The following PGGT1B variants were observed in gnomAD, a reference collection of about 807,000 sequenced individuals.
The protein encoded by PGGT1B is protein geranylgeranyltransferase type I subunit beta, also known as geranylgeranyl transferase type-1 subunit beta.
A neutral mutation model predicts 46.1 loss-of-function variants in PGGT1B; 30 were observed. The ratio of observed to expected loss-of-function variants is 0.65; its 90% CI spans 0.49 to 0.88. PGGT1B has a LOEUF of 0.88. PGGT1B is among the 40% of genes least tolerant of loss of function. PGGT1B has a pLI of 0.00. For synonymous variants in PGGT1B, 170 were observed against 160.0 expected (o/e 1.06, Z -0.47); for missense variants, 376 against 455.9 (o/e 0.82, Z 1.60).
chr5:115,244,546 A>C (rs1490830029), intron 2 of PGGT1B, among the ~76,000 whole-genome samples: 1 of 149,836 alleles, frequency 6.7e-6, no homozygotes, highest in Non-Finnish European at 1.5e-5. Context: ...GCTATACTTA[A>C]AAAAAAAATA....
chr5:115,254,463 T>C (rs1185555118), intron 1 of PGGT1B, among the ~76,000 whole-genome samples: 1 of 152,110 alleles, frequency 6.6e-6, no homozygotes, highest in East Asian at 1.9e-4. Flanking sequence ...TGTTAAGCAC[T>C]TATGTGTGGA....
intron 4 of PGGT1B, 29 bp from the exon 5 acceptor site, chr5:115,236,551 C>G: frequency 6.7e-7 from 1 of 1,482,146 alleles, no homozygotes; most frequent in South Asian, 1.4e-5. Context: ...ATATGATTTT[C>G]TATTAACACT....
intron 1 of PGGT1B, among the ~76,000 whole-genome samples, chr5:115,258,027 T>G (rs761729452): frequency 2.6e-5 from 4 of 152,250 alleles, no homozygotes; most frequent in Non-Finnish European, 4.4e-5. Flanking sequence ...ATTCAACTGG[T>G]AAATACTTTT....
At chr5:115,261,633 G>A (rs1748558944) in intron 1 of PGGT1B, among the ~76,000 whole-genome samples, 1 of 152,170 alleles carries the variant, frequency 6.6e-6, no homozygotes. Flanking sequence ...CAAGATAGAC[G>A]AAAATGTTAC....
chr5:115,223,285 C>T (rs1325607599), intron 6 of PGGT1B, among the ~76,000 whole-genome samples: 1 of 152,082 alleles, frequency 6.6e-6, no homozygotes, highest in South Asian at 2.1e-4. Flanking sequence ...TCCCTGGAAC[C>T]TGTGAATGTT....
intron 1 of PGGT1B, among the ~76,000 whole-genome samples, chr5:115,258,184 G>T (rs1748402938): frequency 6.6e-6 from 1 of 152,136 alleles, no homozygotes; most frequent in African/African-American, 2.4e-5. Flanking sequence ...CCTTAAGGAG[G>T]TTACATGTTA....
chr5:115,206,855 G>A lies in PGGT1B; in HGVS notation c.*5547C>T, dbSNP rs1185050796. Reference sequence around the variant, plus strand: ...TATGTTTTAGTGTCGGATATGGCTGGTCCCCTCTAATTCTTTTCAGTTTCC... The same window carrying A: ...TATGTTTTAGTGTCGGATATGGCTGATCCCCTCTAATTCTTTTCAGTTTCC... On this transcript the variant is annotated 3_prime_UTR_variant, in exon 9 of 9. Transcript: ENST00000419445. The A allele has an allele frequency of 6.6e-6, 1 of 151,708 alleles. No individual in the cohort carries two copies. The highest frequency in any genetic ancestry group is 2.4e-5 in the African/African-American group (1 of 41,354). The allele number at this position is 151,708 out of a possible 1,614,324, so 9.4% of individuals were successfully genotyped here. A position where few individuals can be genotyped will look rare whatever the true frequency, so the allele number is the denominator to read the frequency against.
At chr5:115,230,184 A>G (rs1302629469) in intron 6 of PGGT1B, among the ~76,000 whole-genome samples, 1 of 151,954 alleles carries the variant, frequency 6.6e-6, no homozygotes, top group Non-Finnish European at 1.5e-5. Flanking sequence ...TTACATGAGG[A>G]GCCAAGGTCA....
chr5:115,245,684 C>T (rs1747801777), intron 2 of PGGT1B, among the ~76,000 whole-genome samples: 1 of 151,974 alleles, frequency 6.6e-6, no homozygotes, highest in Non-Finnish European at 1.5e-5. Context: ...GCTTTTGTTG[C>T]AATTTATCAA....
Position 115,210,958 on chromosome 5 carries a change from T to C in PGGT1B, c.*1444A>G, listed in dbSNP as rs1756201279. 2.0e-5 allele frequency: 3 copies of C among 152,124 alleles called. No homozygotes were observed. The highest frequency in any genetic ancestry group is 1.9e-4 in the East Asian group (1 of 5,204). The allele number at this position is 152,124 out of a possible 1,614,324, so 9.4% of individuals were successfully genotyped here. ...ATAATAAATCAATCATTTCTCCAAG[T>C]ACACAGTGTTTCCCTTGGGAAGGAC... On this transcript the variant is annotated 3_prime_UTR_variant, in exon 9 of 9. Transcript: ENST00000419445.
At position 115,262,869 on chromosome 5, in the gene PGGT1B, G is replaced by A. The variant is rs775683904; in HGVS notation, c.-18C>T. ...GCCGCCATGCTGCTCCGGAAGCGACGTCCGCCGCGACCCGGAATCAGTGCC... is the reference window on the plus strand; with the variant it reads ...GCCGCCATGCTGCTCCGGAAGCGACATCCGCCGCGACCCGGAATCAGTGCC... On this transcript the variant is annotated 5_prime_UTR_variant, in exon 1 of 9. It adds an upstream start codon to the 5' untranslated region. Coordinates refer to ENST00000419445, the MANE Select transcript of PGGT1B (RefSeq NM_005023.4). 25 of 1,610,720 alleles carry A rather than the reference G, an allele frequency of 1.6e-5. 1 individual carries two copies. Among genetic ancestry groups the A allele is most frequent in the African/African-American group, 5.3e-5 (4 of 74,780 alleles).
chr5:115,232,043 G>A (rs992436768), intron 5 of PGGT1B, among the ~76,000 whole-genome samples: 2 of 152,006 alleles, frequency 1.3e-5, no homozygotes, highest in Non-Finnish European at 2.9e-5. Flanking sequence ...TTGTCTCTCA[G>A]TGATAAACCC....
chr5:115,222,225 A>T (rs1178144199), intron 6 of PGGT1B, among the ~76,000 whole-genome samples: 2 of 152,256 alleles, frequency 1.3e-5, no homozygotes, highest in African/African-American at 4.8e-5. Context: ...TTTACTTATG[A>T]AAAAAAGTAA....
intron 8 of PGGT1B, among the ~76,000 whole-genome samples, chr5:115,215,399 G>C (rs1756385060): frequency 2.6e-5 from 4 of 151,870 alleles, no homozygotes; most frequent in Admixed American, 2.6e-4. Flanking sequence ...CCCAGGTTCA[G>C]GCAATTCTTC....
At position 115,206,573 on chromosome 5, in the gene PGGT1B, A is replaced by C. The variant is rs1756070197; in HGVS notation, c.*5829T>G. 1 of 151,880 alleles carries C rather than the reference A, an allele frequency of 6.6e-6. No homozygotes were observed. The highest frequency in any genetic ancestry group is 1.5e-5 in the Non-Finnish European group (1 of 67,842). 9.4% of individuals were successfully genotyped at this position (151,880 alleles called of 1,614,324 possible). A position where few individuals can be genotyped will look rare whatever the true frequency, so the allele number is the denominator to read the frequency against. ...ACTTCCTATTTATGTGCCAATACAA[A>C]ACTTTTCATTTATTCAACATTACGA... On this transcript the variant is annotated 3_prime_UTR_variant, in exon 9 of 9. Transcript: ENST00000419445.
chr5:115,261,532 T>A (rs867602422), intron 1 of PGGT1B, among the ~76,000 whole-genome samples: 1 of 152,262 alleles, frequency 6.6e-6, no homozygotes, highest in South Asian at 2.1e-4. Context: ...TAATTTTTAA[T>A]TTGATTTAAT....
intron 2 of PGGT1B, among the ~76,000 whole-genome samples, chr5:115,244,387 C>G (rs1180694895): frequency 1.4e-5 from 2 of 146,738 alleles, no homozygotes; most frequent in East Asian, 4.2e-4. Flanking sequence ...ATGGCATGAA[C>G]CCGGGAGGCG....
At chr5:115,221,768 G>C in intron 7 of PGGT1B, 56 bp downstream of exon 7, 1 of 1,101,136 alleles carries the variant, frequency 9.1e-7, no homozygotes, top group East Asian at 2.6e-5. Context: ...AACCTTTTTA[G>C]CACAATCTAT....
chr5:115,243,564 TG>T (rs1757415704), intron 2 of PGGT1B, among the ~76,000 whole-genome samples: 1 of 152,196 alleles, frequency 6.6e-6, no homozygotes, highest in Non-Finnish European at 1.5e-5. Context: ...GGCTGAAATT[TG>T]TTCTCTGTAT....
Sources: gnomAD v4.1 joint callset for allele counts (sites outside exome capture counted in the v4.1 genomes callset) on GRCh38, gnomAD v4.1.1 for gene constraint, MANE v1.5 for transcripts, NCBI Gene and HGNC (gene_info 2026-07-23, HGNC 2026-07-21) for gene names.